Variants in KCNJ6 observed in about 807,000 individuals in gnomAD.
KCNJ6 encodes the protein potassium inwardly rectifying channel subfamily J member 6, also known as G protein-activated inward rectifier potassium channel 2.
A neutral mutation model predicts 34.2 loss-of-function variants in KCNJ6; 9 were observed. That is an observed-to-expected ratio of 0.26 (90% CI 0.16 to 0.46). The LOEUF (loss-of-function observed/expected upper bound fraction) is 0.46, where lower values mean the gene tolerates loss of function less well. Ranked by LOEUF, KCNJ6 falls within the 20% of genes least tolerant of loss-of-function variation. The probability of loss-of-function intolerance (pLI) is 1.00; values close to 1 mark genes in which losing one functional copy is unlikely to be tolerated. For synonymous variants in KCNJ6, 196 were observed against 207.1 expected (o/e 0.95, Z 0.46); for missense variants, 236 against 531.3 (o/e 0.44, Z 5.46).
intron 2 of KCNJ6, among the ~76,000 whole-genome samples, chr21:37,809,162 T>C (rs2055308571): frequency 6.6e-6 from 1 of 152,228 alleles, no homozygotes; most frequent in South Asian, 2.1e-4. Context: ...TAAGAAAATG[T>C]GGCACATATA....
intron 2 of KCNJ6, among the ~76,000 whole-genome samples, chr21:37,797,404 C>T (rs1441029608): frequency 2.0e-5 from 3 of 152,158 alleles, no homozygotes; most frequent in East Asian, 1.9e-4. Flanking sequence ...GAGTTATAAA[C>T]AATGAAACAA....
At chr21:37,671,116 C>T (rs1467393393) in intron 3 of KCNJ6, among the ~76,000 whole-genome samples, 1 of 152,180 alleles carries the variant, frequency 6.6e-6, no homozygotes, top group Non-Finnish European at 1.5e-5. Flanking sequence ...ACTGAGATGA[C>T]TGGCAGCTGC....
At chr21:37,722,192 CT>C (rs1463169847) in intron 2 of KCNJ6, among the ~76,000 whole-genome samples, 1 of 152,156 alleles carries the variant, frequency 6.6e-6, no homozygotes, top group Non-Finnish European at 1.5e-5. Flanking sequence ...TAAAATCCCA[CT>C]TATCATAGCC....
In KCNJ6 at chr21:37,608,058, A is replaced by G. The variant is rs1039217076; in HGVS notation, c.*17101T>C. ...CCAGTGAAAATTATTTTTTAATTCA[A>G]TACTAAAGACTTCAGAGCCTTTAAG... On this transcript the variant is annotated 3_prime_UTR_variant, in exon 4 of 4. Coordinates refer to ENST00000609713, the MANE Select transcript of KCNJ6 (RefSeq NM_002240.5). The G allele has an allele frequency of 5.9e-5, 9 of 152,204 alleles. No homozygotes were observed. Among genetic ancestry groups the G allele is most frequent in the African/African-American group, 2.2e-4 (9 of 41,458 alleles). 9.4% of individuals were successfully genotyped at this position (152,204 alleles called of 1,614,324 possible).
At chr21:37,866,130 C>T (rs779726456) in intron 1 of KCNJ6, among the ~76,000 whole-genome samples, 26 of 152,198 alleles carry the variant, frequency 1.7e-4, no homozygotes, top group African/African-American at 4.6e-4. Context: ...GTTCTTTAAA[C>T]GCTGGCTTGA....
At chr21:37,822,965 A>C (rs1382613840) in intron 2 of KCNJ6, among the ~76,000 whole-genome samples, 1 of 152,138 alleles carries the variant, frequency 6.6e-6, no homozygotes, top group African/African-American at 2.4e-5. Context: ...CATGCATGAA[A>C]ATTCCTTCAC....
intron 2 of KCNJ6, among the ~76,000 whole-genome samples, chr21:37,829,799 C>A (rs1174368102): frequency 6.6e-6 from 1 of 152,196 alleles, no homozygotes; most frequent in Non-Finnish European, 1.5e-5. Flanking sequence ...GCAGGGGTGC[C>A]CCCGAGATGG....
At chr21:37,648,655 T>G (rs912811817) in intron 3 of KCNJ6, among the ~76,000 whole-genome samples, 9 of 152,278 alleles carry the variant, frequency 5.9e-5, no homozygotes, top group African/African-American at 1.9e-4. Context: ...GAATAGACAG[T>G]CTTAATTTTA....
intron 2 of KCNJ6, among the ~76,000 whole-genome samples, chr21:37,766,816 TCCA>T (rs1222299366): frequency 6.6e-6 from 1 of 152,154 alleles, no homozygotes; most frequent in African/African-American, 2.4e-5. Context: ...CTCCCTGAGC[TCCA>T]CCTCCTGTCA....
chr21:37,776,596 A>G (rs956578462), intron 2 of KCNJ6, among the ~76,000 whole-genome samples: 2 of 152,156 alleles, frequency 1.3e-5, no homozygotes, highest in East Asian at 3.8e-4. Context: ...TTCTGCATCT[A>G]TTGAGATAAT....
chr21:37,858,103 T>G (rs772120616), intron 1 of KCNJ6, among the ~76,000 whole-genome samples: 2 of 151,892 alleles, frequency 1.3e-5, no homozygotes, highest in African/African-American at 2.4e-5. Context: ...TTAAGAAAAT[T>G]CAGATTGGCC....
intron 1 of KCNJ6, among the ~76,000 whole-genome samples, chr21:37,898,873 T>C (rs1392315282): frequency 6.6e-6 from 1 of 152,236 alleles, no homozygotes; most frequent in African/African-American, 2.4e-5. Flanking sequence ...ATTTCCTTTT[T>C]CATTAGTTTA....
At chr21:37,911,250 T>G (rs2055865770) in intron 1 of KCNJ6, among the ~76,000 whole-genome samples, 5 of 152,296 alleles carry the variant, frequency 3.3e-5, no homozygotes, top group Admixed American at 2.6e-4. Context: ...AAATGTATTT[T>G]TATCCTAAAC....
intron 2 of KCNJ6, among the ~76,000 whole-genome samples, chr21:37,811,556 G>C (rs973673721): frequency 6.6e-6 from 1 of 152,194 alleles, no homozygotes; most frequent in Non-Finnish European, 1.5e-5. Flanking sequence ...ATGTGGGAAA[G>C]AGCCTGCACA....
intron 2 of KCNJ6, among the ~76,000 whole-genome samples, chr21:37,810,627 T>G (rs2055318007): frequency 6.6e-6 from 1 of 152,252 alleles, no homozygotes; most frequent in Admixed American, 6.5e-5. Context: ...TATTTCTTCT[T>G]TGGCTTTTGA....
intron 2 of KCNJ6, among the ~76,000 whole-genome samples, chr21:37,833,296 T>G (rs1322454165): frequency 2.0e-5 from 3 of 152,190 alleles, no homozygotes; most frequent in Non-Finnish European, 2.9e-5. Context: ...ATTACAGGCA[T>G]GAGCCACTGC....
At chr21:37,774,665 C>A (rs2055133673) in intron 2 of KCNJ6, among the ~76,000 whole-genome samples, 1 of 152,166 alleles carries the variant, frequency 6.6e-6, no homozygotes, top group Non-Finnish European at 1.5e-5. Context: ...CATGTCCCTA[C>A]AAAGGACATG....
intron 2 of KCNJ6, among the ~76,000 whole-genome samples, chr21:37,836,162 G>C (rs1287533982): frequency 1.3e-5 from 2 of 152,190 alleles, no homozygotes; most frequent in Non-Finnish European, 2.9e-5. Flanking sequence ...CTGGTCATTA[G>C]AGAAATGCAA....
intron 3 of KCNJ6, among the ~76,000 whole-genome samples, chr21:37,656,218 C>T (rs1413612599): frequency 6.6e-6 from 1 of 152,200 alleles, no homozygotes; most frequent in African/African-American, 2.4e-5. Context: ...GATGCTGACT[C>T]CTGGCTCTAG....
Sources: allele counts gnomAD v4.1 joint callset (sites outside exome capture counted in the v4.1 genomes callset), GRCh38; gene constraint gnomAD v4.1.1; transcripts MANE v1.5; gene names NCBI Gene and HGNC (gene_info 2026-07-23, HGNC 2026-07-21).